Variants in ERN2 observed in about 807,000 individuals in gnomAD.
ERN2 encodes the protein serine/threonine-protein kinase/endoribonuclease IRE2.
Under a neutral mutation model 107.9 loss-of-function variants are expected in ERN2, and 111 were observed. The observed-to-expected ratio is 1.03, with a 90% CI of 0.88 to 1.20. ERN2 has a LOEUF of 1.20. Among genes scored for constraint, ERN2 ranks in the 50% most tolerant of loss-of-function variants. The pLI is 0.00. For missense variants in ERN2, 1,225 were observed against 1,197.9 expected, an observed-to-expected ratio of 1.02 and a Z score of -0.33; for synonymous variants, 524 against 501.7, an observed-to-expected ratio of 1.04 and a Z score of -0.59.
chr16:23,691,100 C>T (rs1339895853), intron 21 of ERN2, 29 bp downstream of exon 21: 1 of 1,613,770 alleles, frequency 6.2e-7, no homozygotes. Flanking sequence ...CTTCCCAAGA[C>T]CCAGGCCCAC....
chr16:23,710,090 C>A (rs1244643944), intron 4 of ERN2, 82 bp downstream of exon 4: 3 of 918,274 alleles, frequency 3.3e-6, no homozygotes, highest in Non-Finnish European at 5.4e-6. Context: ...AGATACTGAC[C>A]ATACTGCCTC....
At chr16:23,694,699 T>G in intron 17 of ERN2, 29 bp downstream of exon 17, 1 of 1,562,532 alleles carries the variant, frequency 6.4e-7, no homozygotes, top group Non-Finnish European at 8.7e-7. Context: ...GGCAGCTGTG[T>G]GCCTGGAGGA....
chr16:23,705,034 A>T lies in ERN2; in HGVS notation c.703T>A (p.Trp235Arg), dbSNP rs1295438041. The T allele has an allele frequency of 3.1e-6, 5 of 1,613,710 alleles. No individual in the cohort carries two copies. The highest frequency in any genetic ancestry group is 1.7e-5 in the Admixed American group (1 of 59,990). The change falls in exon 8 of 22, where the codon TGG becomes AGG. Residue 235 changes from tryptophan to arginine, a missense_variant. Trp to Arg is a moderately radical substitution (Grantham distance 101, BLOSUM62 -3). Coordinates refer to ENST00000256797, the MANE Select transcript of ERN2 (RefSeq NM_033266.4). ...LGVPVMGVYTWHQDGLRQLPH... is the reference protein window; with the variant it reads ...LGVPVMGVYTRHQDGLRQLPH... ...AGCTGGCGCAGGCCGTCCTGGTGCC[A>T]GGTGTAGACGCCCATCACAGGCACG...
chr16:23,707,521 G>A (rs913228903), intron 4 of ERN2, among the ~76,000 whole-genome samples: 4 of 151,924 alleles, frequency 2.6e-5, no homozygotes, highest in Non-Finnish European at 5.9e-5. Context: ...CAAGACCAGC[G>A]TGGGCAACAC....
In ERN2 at chr16:23,700,602, G is replaced by T. The variant is rs750839123; in HGVS notation, c.1462C>A (p.Arg488=). The change falls in exon 13 of 22, where the codon CGG becomes AGG. Residue 488 remains arginine, a synonymous_variant. Transcript: ENST00000256797. ...CTCTGAAGCCTCTTCTGGCTCCTCC[G>T]GCTGGCCCCCGAGTGCAGGGACTGG... ...DAQSLHSGAS[R]RSQKRLQSPS... 1 of 1,614,128 alleles carries T rather than the reference G, an allele frequency of 6.2e-7. No individual in the cohort carries two copies. The highest frequency in any genetic ancestry group is 1.1e-5 in the South Asian group (1 of 91,070).
chr16:23,709,018 A>G (rs1960437034), intron 4 of ERN2, among the ~76,000 whole-genome samples: 1 of 152,210 alleles, frequency 6.6e-6, no homozygotes, highest in Non-Finnish European at 1.5e-5. Context: ...CTATTTGAGT[A>G]TGCCATGTGT....
At position 23,694,741 on chromosome 16, in the gene ERN2, G is replaced by GGCAGGAGCT; in HGVS notation, c.2078_2086dup (p.Gln693_Leu695dup). 1 of 1,607,234 alleles carries GGCAGGAGCT rather than the reference G, an allele frequency of 6.2e-7. No individual in the cohort carries two copies. The highest frequency in any genetic ancestry group is 8.5e-7 in the Non-Finnish European group (1 of 1,178,248). On this transcript the variant is annotated inframe_insertion, in exon 17 of 22. Transcript: ENST00000256797. ...GGATAGACTCACAGGACTGTCTGGT[G>GGCAGGAGCT]GCAGGAGCTGCAGAAGCTCGGGCGC...
At position 23,706,739 on chromosome 16, in the gene ERN2, T is replaced by G; in HGVS notation, c.487+15A>C. 6.4e-7 allele frequency: 1 copy of G among 1,565,298 alleles called. No individual in the cohort carries two copies. Among genetic ancestry groups the G allele is most frequent in the Non-Finnish European group, 8.8e-7 (1 of 1,140,976 alleles). On this transcript the variant is annotated intron_variant, in intron 6 of 21. Transcript: ENST00000256797. ...GGCTGCCCAGAGCTTGAGGAACAGC[T>G]GGGGCCCAACTCACGTGTTCGGCCA...
intron 19 of ERN2, 104 bp downstream of exon 19, chr16:23,691,859 G>C: frequency 6.9e-7 from 1 of 1,445,042 alleles, no homozygotes; most frequent in Non-Finnish European, 9.3e-7. Context: ...CCAGGACCAG[G>C]TAGCTCTTCC....
chr16:23,692,179 C>T lies in ERN2; in HGVS notation c.2248+5G>A. ...CCTTCTCTGCCCTGCCCAGGGCTCC[C>T]TCACCGTGGACCTCTTCCTCCAGGT... On this transcript the variant is annotated splice_donor_5th_base_variant and intron_variant, in intron 18 of 21. Transcript: ENST00000256797. 1 of 1,614,126 alleles carries T rather than the reference C, an allele frequency of 6.2e-7. No homozygotes were observed. The highest frequency in any genetic ancestry group is 1.1e-5 in the South Asian group (1 of 91,088).
At chr16:23,706,163 G>A (rs1377011642) in intron 7 of ERN2, 167 bp downstream of exon 7, 2 of 562,350 alleles carry the variant, frequency 3.6e-6, no homozygotes, top group Non-Finnish European at 6.3e-6. Flanking sequence ...TGGGTGTTGA[G>A]GGAGTCACTT....
At chr16:23,695,144 T>C in intron 15 of ERN2, 26 bp from the exon 16 acceptor site, 1 of 1,613,728 alleles carries the variant, frequency 6.2e-7, no homozygotes, top group Non-Finnish European at 8.5e-7. Context: ...GGCCAAAGCA[T>C]CACTCTCCAG....
chr16:23,693,584 C>A (rs1959684449), intron 17 of ERN2, among the ~76,000 whole-genome samples: 1 of 136,754 alleles, frequency 7.3e-6, no homozygotes. Flanking sequence ...AGCGAAACTC[C>A]ATCTCAAAAA....
rs1289603784 is a variant in ERN2 at position 23,692,654 on chromosome 16, G to GT, written c.2101-324dup. Among the ~76,000 whole-genome samples the GT allele has an allele frequency of 2.6e-5, 4 of 152,288 alleles. No individual in the cohort carries two copies. In the East Asian group the frequency reaches 7.7e-4, roughly 29 times the overall value. ...GGAGGACTGTGGTGACCTGGCATGGGTTTTTTCTGCAGGGGCAGCTGGTCC... is the reference window on the plus strand; with the variant it reads ...GGAGGACTGTGGTGACCTGGCATGGGTTTTTTTCTGCAGGGGCAGCTGGTCC... On this transcript the variant is annotated intron_variant, in intron 17 of 21. Coordinates refer to ENST00000256797, the MANE Select transcript of ERN2 (RefSeq NM_033266.4).
In ERN2 at chr16:23,710,977, G is replaced by A; in HGVS notation, c.135C>T (p.Thr45=). The A allele has an allele frequency of 1.2e-6, 2 of 1,614,112 alleles. No individual in the cohort carries two copies. Among genetic ancestry groups the A allele is most frequent in the Non-Finnish European group, 1.7e-6 (2 of 1,179,964 alleles). Residue 45 remains threonine (T), a synonymous_variant, in exon 2 of 22, where the codon ACC becomes ACT. Transcript: ENST00000256797. ...LRPENLLLVS[T]LDGSLHALSK... ...TTAGTGCGTGGAGACTTCCATCCAAGGTGGACACCAGCAGGAGGTTCTCTG... is the reference window on the plus strand; with the variant it reads ...TTAGTGCGTGGAGACTTCCATCCAAAGTGGACACCAGCAGGAGGTTCTCTG...
Position 23,690,792 on chromosome 16 carries a change from A to G in ERN2, c.*39T>C. The G allele has an allele frequency of 2.6e-6, 4 of 1,556,750 alleles. No individual in the cohort carries two copies. Among genetic ancestry groups the G allele is most frequent in the Non-Finnish European group, 3.5e-6 (4 of 1,142,294 alleles). ...CAGCCACAGGCTCAGCTCTTCAGTG[A>G]GCCAGCACGGAGACCATCTGTGTGG... On this transcript the variant is annotated 3_prime_UTR_variant, in exon 22 of 22. Coordinates refer to ENST00000256797, the MANE Select transcript of ERN2 (RefSeq NM_033266.4).
intron 13 of ERN2, among the ~76,000 whole-genome samples, chr16:23,699,280 C>T (rs1352048576): frequency 6.6e-6 from 1 of 152,196 alleles, no homozygotes; most frequent in African/African-American, 2.4e-5. Flanking sequence ...GTGGCATAGA[C>T]TTCCGCCTGA....
At chr16:23,694,552 A>G (rs552120890) in intron 17 of ERN2, among the ~76,000 whole-genome samples, 176 bp downstream of exon 17, 8 of 152,326 alleles carry the variant, frequency 5.3e-5, no homozygotes, top group South Asian at 4.1e-4. Context: ...CAGTCCTGAT[A>G]CTGCTGTAGA....
In ERN2 at chr16:23,695,990, G is replaced by A; in HGVS notation, c.1526-12C>T. The A allele has an allele frequency of 1.2e-6, 2 of 1,609,890 alleles. No individual in the cohort carries two copies. Among genetic ancestry groups the A allele is most frequent in the South Asian group, 1.1e-5 (1 of 90,930 alleles). On this transcript the variant is annotated splice_polypyrimidine_tract_variant and intron_variant, in intron 13 of 21. Coordinates refer to ENST00000256797, the MANE Select transcript of ERN2 (RefSeq NM_033266.4). The stretch of plus-strand genomic sequence containing the variant: ...GGTGAGTTGCTCAGCTGGGGGAGAG[G>A]AGGGTGGTGACTCAGGGAGCCTCTG...
Sources: gnomAD v4.1 joint callset for allele counts (sites outside exome capture counted in the v4.1 genomes callset) on GRCh38, gnomAD v4.1.1 for gene constraint, MANE v1.5 for transcripts, NCBI Gene and HGNC (gene_info 2026-07-23, HGNC 2026-07-21) for gene names.